Variants in EXT1 observed in about 807,000 individuals in gnomAD.
EXT1 encodes the protein exostosin glycosyltransferase 1.
EXT1 carries 20 observed loss-of-function variants against 82.5 expected under a neutral mutation model. The ratio of observed to expected loss-of-function variants is 0.24; its 90% confidence interval spans 0.17 to 0.35. The LOEUF (loss-of-function observed/expected upper bound fraction) is 0.35, where lower values mean the gene tolerates loss of function less well. Among genes scored for constraint, EXT1 ranks in the 10% least tolerant of loss-of-function variants. The pLI is 1.00. For missense variants in EXT1, 757 were observed against 936.5 expected (o/e 0.81, Z 2.50); for synonymous variants, 348 against 350.8 (o/e 0.99, Z 0.09).
intron 3 of EXT1, 122 bp from the exon 4 acceptor site, chr8:117,830,471 C>T (rs1325216609): frequency 1.9e-6 from 2 of 1,069,778 alleles, no homozygotes; most frequent in Admixed American, 2.4e-5. Flanking sequence ...GCATATAGAT[C>T]TACTAAAAAT....
rs2130042381 is a variant in EXT1 at position 118,110,388 on chromosome 8, C to G, written c.659G>C (p.Ser220Thr). The change falls in exon 1 of 11, where the codon AGC becomes ACC. Residue 220 changes from serine (S) to threonine (T), a missense_variant. By Grantham distance (58) the Ser-to-Thr change is moderately conservative. Around this residue, in one of 4 missense-constraint regions of EXT1, gnomAD observed 247 missense variants for 330.1 expected, o/e 0.75. Coordinates refer to ENST00000378204, the MANE Select transcript of EXT1 (RefSeq NM_000127.3). The part of the protein sequence containing the change: ...DIGQAMLAKA[S>T]ISTENFRPNF... Reference sequence around the variant, plus strand: ...GGGTCGGAAGTTTTCAGTACTGATGCTGGCTTTGGCCAGCATCGCCTGGCC... The same window carrying G: ...GGGTCGGAAGTTTTCAGTACTGATGGTGGCTTTGGCCAGCATCGCCTGGCC... 1.2e-6 allele frequency: 2 copies of G among 1,614,178 alleles called. No individual in the cohort carries two copies. Among genetic ancestry groups the G allele is most frequent in the Non-Finnish European group, 1.7e-6 (2 of 1,180,034 alleles).
At chr8:117,861,719 C>T (rs1470496255) in intron 1 of EXT1, among the ~76,000 whole-genome samples, 1 of 143,908 alleles carries the variant, frequency 6.9e-6, no homozygotes, top group Non-Finnish European at 1.6e-5. Flanking sequence ...TGGCCTTGAA[C>T]TCCTGACCTT....
chr8:117,939,954 C>T (rs1814241453), intron 1 of EXT1, among the ~76,000 whole-genome samples: 1 of 152,224 alleles, frequency 6.6e-6, no homozygotes, highest in Admixed American at 6.5e-5. Context: ...TGGATTGTGA[C>T]TGTAACTTGC....
At chr8:117,980,150 G>A (rs936972985) in intron 1 of EXT1, among the ~76,000 whole-genome samples, 4 of 151,892 alleles carry the variant, frequency 2.6e-5, no homozygotes, top group African/African-American at 9.7e-5. Flanking sequence ...CACATTGCTG[G>A]ATGCTGGCAC....
intron 1 of EXT1, among the ~76,000 whole-genome samples, chr8:117,885,435 G>C (rs956633368): frequency 2.0e-5 from 3 of 150,828 alleles, no homozygotes; most frequent in Non-Finnish European, 4.4e-5. Flanking sequence ...GTACTGGCAG[G>C]GGAGGAGAAG....
intron 1 of EXT1, among the ~76,000 whole-genome samples, chr8:117,844,652 G>A (rs1479365467): frequency 6.6e-6 from 1 of 152,142 alleles, no homozygotes; most frequent in Admixed American, 6.5e-5. Flanking sequence ...GGTCCCTGGT[G>A]TCTTTGAGAA....
chr8:117,920,648 C>T (rs4298514), intron 1 of EXT1, among the ~76,000 whole-genome samples: 98,983 of 152,004 alleles, frequency 0.65, 32,908 homozygotes, highest in Middle Eastern at 0.83. Flanking sequence ...CATGCCTTTA[C>T]ACGACCAATA....
At chr8:118,078,484 C>T (rs1031574123) in intron 1 of EXT1, among the ~76,000 whole-genome samples, 1 of 151,924 alleles carries the variant, frequency 6.6e-6, no homozygotes, top group Non-Finnish European at 1.5e-5. Flanking sequence ...AGGCATGAGC[C>T]ACCATGCCCA....
At chr8:117,823,175 A>G (rs530018912) in intron 4 of EXT1, among the ~76,000 whole-genome samples, 6 of 152,298 alleles carry the variant, frequency 3.9e-5, no homozygotes, top group Non-Finnish European at 7.4e-5. Flanking sequence ...AAGTTTTTCT[A>G]TATTTCATCT....
At chr8:117,861,657 G>T (rs1812689383) in intron 1 of EXT1, among the ~76,000 whole-genome samples, 1 of 142,974 alleles carries the variant, frequency 7.0e-6, no homozygotes. Context: ...ACCACACCCA[G>T]CTAATTTTTG....
At chr8:117,940,572 G>C (rs1049344079) in intron 1 of EXT1, among the ~76,000 whole-genome samples, 4 of 152,136 alleles carry the variant, frequency 2.6e-5, no homozygotes, top group Admixed American at 1.3e-4. Flanking sequence ...ATTAAAACAC[G>C]CTGCACCCTC....
intron 3 of EXT1, among the ~76,000 whole-genome samples, chr8:117,834,138 T>C (rs979974990): frequency 1.3e-5 from 2 of 152,224 alleles, no homozygotes; most frequent in African/African-American, 4.8e-5. Context: ...ACTATGGAGA[T>C]CACAAACTGA....
At chr8:117,881,924 T>C (rs975312279) in intron 1 of EXT1, among the ~76,000 whole-genome samples, 7 of 152,170 alleles carry the variant, frequency 4.6e-5, no homozygotes, top group African/African-American at 1.7e-4. Context: ...CCCCCAGGAC[T>C]ATCCTGGATA....
At chr8:118,056,687 T>G (rs908286754) in intron 1 of EXT1, among the ~76,000 whole-genome samples, 1 of 152,184 alleles carries the variant, frequency 6.6e-6, no homozygotes, top group Non-Finnish European at 1.5e-5. Context: ...GGGGGTCCTC[T>G]GGCCTAGACA....
chr8:118,005,075 A>G (rs929196077), intron 1 of EXT1, among the ~76,000 whole-genome samples: 4 of 152,196 alleles, frequency 2.6e-5, no homozygotes, highest in Non-Finnish European at 5.9e-5. Context: ...GATTTGCATG[A>G]GATCACAGAG....
chr8:117,833,583 C>T (rs897035048), intron 3 of EXT1, among the ~76,000 whole-genome samples: 5 of 151,696 alleles, frequency 3.3e-5, no homozygotes, highest in Non-Finnish European at 7.4e-5. Context: ...CCATGGCACT[C>T]CAGCTTGAGT....
At chr8:118,025,617 G>A (rs1030722727) in intron 1 of EXT1, among the ~76,000 whole-genome samples, 1 of 152,180 alleles carries the variant, frequency 6.6e-6, no homozygotes, top group Non-Finnish European at 1.5e-5. Context: ...ACTGTAAAAG[G>A]AGAGTGAGGA....
chr8:117,910,518 A>C (rs911054510), intron 1 of EXT1, among the ~76,000 whole-genome samples: 3 of 152,168 alleles, frequency 2.0e-5, no homozygotes, highest in Non-Finnish European at 4.4e-5. Flanking sequence ...GCTACTTGGA[A>C]CTACAGCCTG....
intron 1 of EXT1, among the ~76,000 whole-genome samples, chr8:117,840,015 A>G (rs1327606576): frequency 6.6e-6 from 1 of 152,220 alleles, no homozygotes; most frequent in African/African-American, 2.4e-5. Context: ...TTCAGAAGAT[A>G]CACAAAGAAG....
Sources: allele counts gnomAD v4.1 joint callset (sites outside exome capture counted in the v4.1 genomes callset), GRCh38; gene constraint gnomAD v4.1.1; regional missense constraint gnomAD v4.1.1; transcripts MANE v1.5; gene names NCBI Gene and HGNC (gene_info 2026-07-23, HGNC 2026-07-21).